Variants in KITLG observed in about 807,000 individuals in gnomAD.
KITLG encodes the protein KIT ligand, also known as c-Kit ligand.
A neutral mutation model predicts 34.1 loss-of-function variants in KITLG; 13 were observed. That is an observed-to-expected ratio of 0.38 (90% CI 0.25 to 0.61). The LOEUF (loss-of-function observed/expected upper bound fraction) is 0.61. Among genes scored for constraint, KITLG ranks in the 20% least tolerant of loss-of-function variants. KITLG has a pLI of 0.60. For missense variants in KITLG, 292 were observed against 318.9 expected (o/e 0.92, Z 0.64); for synonymous variants, 110 against 104.0 (o/e 1.06, Z -0.35).
intron 8 of KITLG, among the ~76,000 whole-genome samples, chr12:88,505,773 T>G (rs1214805800): frequency 6.6e-6 from 1 of 152,102 alleles, no homozygotes; most frequent in Non-Finnish European, 1.5e-5. Context: ...ACTGAACGTA[T>G]TTTGAATAAG....
At chr12:88,565,967 A>T (rs1232155455) in intron 1 of KITLG, among the ~76,000 whole-genome samples, 1 of 152,206 alleles carries the variant, frequency 6.6e-6, no homozygotes, top group East Asian at 1.9e-4. Context: ...CTGGTTCTTA[A>T]GTCTTCATAT....
Position 88,532,455 on chromosome 12 carries a change from C to A in KITLG, c.178G>T (p.Gly60Trp). Residue 60 changes from glycine (G) to tryptophan (W), a missense_variant, in exon 3 of 10, where the codon GGG becomes TGG. Around this residue, in one of 2 missense-constraint regions of KITLG, gnomAD observed 152 missense variants for 207.9 expected, o/e 0.73. Transcript: ENST00000644744. ...AGTTTACATACCAAAACATCCATCC[C>A]GGGGACATATTTGAGGGTTATCATG... ...DYMITLKYVPGMDVLPSHCWI... is the reference protein window; with the variant it reads ...DYMITLKYVPWMDVLPSHCWI... The A allele has an allele frequency of 6.2e-7, 1 of 1,610,118 alleles. No individual in the cohort carries two copies.
At chr12:88,519,948 A>G (rs1000075123) in intron 3 of KITLG, among the ~76,000 whole-genome samples, 2 of 152,198 alleles carry the variant, frequency 1.3e-5, no homozygotes, top group Admixed American at 6.5e-5. Flanking sequence ...ATTCTAAAGT[A>G]TAGAAGGGAC....
chr12:88,506,448 ACT>A lies in KITLG; in HGVS notation c.715-72_715-71del. 2.8e-6 allele frequency: 3 copies of A among 1,079,838 alleles called. No individual in the cohort carries two copies. In the South Asian group the frequency reaches 3.8e-5, roughly 14 times the overall value. The allele number at this position is 1,079,838 out of a possible 1,614,324, so 66.9% of individuals were successfully genotyped here. On this transcript the variant is annotated intron_variant, in intron 7 of 9. Coordinates refer to ENST00000644744, the MANE Select transcript of KITLG (RefSeq NM_000899.5). ...GGTCTAATATTTAAGAGGTAAGTGG[ACT>A]CCACTTTTATCTTTTATGGCAATAA... is the stretch of plus-strand genomic sequence containing the variant.
chr12:88,578,245 C>A (rs1487715785), intron 1 of KITLG, among the ~76,000 whole-genome samples: 1 of 151,980 alleles, frequency 6.6e-6, no homozygotes, highest in African/African-American at 2.4e-5. Context: ...TGTGGAATCG[C>A]TAGAAGTATT....
At chr12:88,534,220 C>A (rs928708828) in intron 2 of KITLG, among the ~76,000 whole-genome samples, 1 of 152,108 alleles carries the variant, frequency 6.6e-6, no homozygotes, top group Non-Finnish European at 1.5e-5. Flanking sequence ...GAACTCAGGT[C>A]CCTGGAGAGA....
intron 9 of KITLG, among the ~76,000 whole-genome samples, chr12:88,499,613 C>G (rs1249934314): frequency 6.6e-6 from 1 of 152,134 alleles, no homozygotes; most frequent in East Asian, 1.9e-4. Context: ...ACATATTTGG[C>G]CACTGGTTAG....
intron 1 of KITLG, among the ~76,000 whole-genome samples, chr12:88,567,129 G>A (rs1232672804): frequency 6.6e-6 from 1 of 151,942 alleles, no homozygotes; most frequent in Non-Finnish European, 1.5e-5. Context: ...TTAAAAGCAG[G>A]GACTTTAATA....
chr12:88,512,538 A>C (rs1263443868), intron 6 of KITLG, among the ~76,000 whole-genome samples: 1 of 152,034 alleles, frequency 6.6e-6, no homozygotes, highest in Non-Finnish European at 1.5e-5. Flanking sequence ...ATAGATCCAA[A>C]AGCTTGACAA....
At chr12:88,506,404 T>C (rs1489421773) in intron 7 of KITLG, 26 bp from the exon 8 acceptor site, 6 of 1,497,804 alleles carry the variant, frequency 4.0e-6, no homozygotes, top group Non-Finnish European at 5.6e-6. Flanking sequence ...AGACATATAC[T>C]GTAAAATAAT....
At chr12:88,557,673 C>T (rs1009913337) in intron 1 of KITLG, among the ~76,000 whole-genome samples, 8 of 152,146 alleles carry the variant, frequency 5.3e-5, no homozygotes, top group Non-Finnish European at 1.2e-4. Flanking sequence ...ACCGCCAACT[C>T]TCTGCAATAA....
intron 1 of KITLG, among the ~76,000 whole-genome samples, chr12:88,563,946 G>A (rs770237743): frequency 7.0e-6 from 1 of 143,606 alleles, no homozygotes; most frequent in Non-Finnish European, 1.5e-5. Context: ...GGGGCAACAA[G>A]AGCAAAACTC....
intron 8 of KITLG, among the ~76,000 whole-genome samples, chr12:88,505,905 T>G (rs1869039481): frequency 6.6e-6 from 1 of 152,168 alleles, no homozygotes; most frequent in African/African-American, 2.4e-5. Context: ...ATGATAATGC[T>G]TCCTACTGAA....
rs116736576 is a variant in KITLG, at chr12:88,532,828, T to C, written c.130-325A>G. ...TTGGAATTCCCCTCAAGGACTATTTTCCTACTTGTTCCTCCATAGGATTAA... is the reference window on the plus strand; with the variant it reads ...TTGGAATTCCCCTCAAGGACTATTTCCCTACTTGTTCCTCCATAGGATTAA... On this transcript the variant is annotated intron_variant, in intron 2 of 9. Transcript: ENST00000644744. Among the ~76,000 whole-genome samples the C allele has an allele frequency of 4.0e-3, 607 of 152,262 alleles. 3 individuals are homozygous for C. Among genetic ancestry groups the C allele is most frequent in the African/African-American group, 0.014 (576 of 41,570 alleles).
At chr12:88,530,195 T>C (rs1870032604) in intron 3 of KITLG, among the ~76,000 whole-genome samples, 1 of 152,158 alleles carries the variant, frequency 6.6e-6, no homozygotes, top group Admixed American at 6.6e-5. Flanking sequence ...TGGGTCTTTA[T>C]TACCTAGAGG....
intron 2 of KITLG, among the ~76,000 whole-genome samples, chr12:88,536,933 T>C (rs1388015649): frequency 1.3e-5 from 2 of 152,188 alleles, no homozygotes; most frequent in African/African-American, 2.4e-5. Flanking sequence ...TGTATACCTA[T>C]GTAACAAACT....
chr12:88,568,972 G>C (rs1871548589), intron 1 of KITLG, among the ~76,000 whole-genome samples: 1 of 152,320 alleles, frequency 6.6e-6, no homozygotes, highest in Admixed American at 6.5e-5. Context: ...CTAGAGTCAA[G>C]AGCCAGAGGT....
chr12:88,575,431 T>C (rs953647436), intron 1 of KITLG, among the ~76,000 whole-genome samples: 3 of 152,124 alleles, frequency 2.0e-5, no homozygotes, highest in South Asian at 2.1e-4. Flanking sequence ...ACCTCTTTTT[T>C]CTATAGAGAA....
chr12:88,570,318 G>A (rs1441565094), intron 1 of KITLG, among the ~76,000 whole-genome samples: 1 of 152,038 alleles, frequency 6.6e-6, no homozygotes, highest in Non-Finnish European at 1.5e-5. Context: ...TGGGGAGATG[G>A]GTGGGAAAGC....
Sources: allele counts gnomAD v4.1 joint callset (sites outside exome capture counted in the v4.1 genomes callset), GRCh38; gene constraint gnomAD v4.1.1; regional missense constraint gnomAD v4.1.1; transcripts MANE v1.5; gene names NCBI Gene and HGNC (gene_info 2026-07-23, HGNC 2026-07-21).